The following STOX1 variants were observed in gnomAD, a reference collection of about 807,000 sequenced individuals.
STOX1 encodes storkhead box 1.
Under a neutral mutation model 74.8 loss-of-function variants are expected in STOX1, and 57 were observed. The observed-to-expected ratio is 0.76, with a 90% CI of 0.62 to 0.95. STOX1 has a LOEUF of 0.95. Ranked by LOEUF, STOX1 falls within the 40% of genes least tolerant of loss-of-function variation. The pLI is 0.00. For missense variants in STOX1, 1,010 were observed against 1,117.0 expected (o/e 0.90, Z 1.37); for synonymous variants, 375 against 401.3 (o/e 0.93, Z 0.78).
In STOX1 at chr10:68,886,448, G is replaced by T. The variant is rs1840960833; in HGVS notation, c.2652G>T (p.Trp884Cys). The T allele has an allele frequency of 1.2e-6, 2 of 1,614,034 alleles. No individual in the cohort carries two copies. Among genetic ancestry groups the T allele is most frequent in the African/African-American group, 1.3e-5 (1 of 74,910 alleles). The change falls in exon 3 of 4, where the codon TGG (tryptophan) becomes TGT (cysteine). Residue 884 changes from tryptophan to cysteine, a missense_variant. Coordinates refer to ENST00000298596, the MANE Select transcript of STOX1 (RefSeq NM_152709.5). The part of the protein sequence containing the change: ...IGDTGKKPAS[W>C]SQSPQNQEMR... ...ACACAGGAAAGAAGCCAGCTAGCTG[G>T]AGTCAGAGTCCTCAGAATCAGGAAA...
chr10:68,838,164 T>A (rs1839607428), intron 1 of STOX1, among the ~76,000 whole-genome samples: 1 of 151,852 alleles, frequency 6.6e-6, no homozygotes, highest in Non-Finnish European at 1.5e-5. Context: ...CCTCCCAGAC[T>A]TAAGTGATCC....
intron 1 of STOX1, among the ~76,000 whole-genome samples, chr10:68,872,084 A>G (rs1233941579): frequency 6.6e-6 from 1 of 152,090 alleles, no homozygotes; most frequent in Non-Finnish European, 1.5e-5. Flanking sequence ...CGCATAGAAG[A>G]TACCTTTCCC....
intron 1 of STOX1, among the ~76,000 whole-genome samples, chr10:68,871,564 T>C (rs73266469): frequency 0.011 from 1,712 of 152,262 alleles, 35 homozygotes; most frequent in African/African-American, 0.038. Flanking sequence ...AAAATAAACA[T>C]TACCATGCTT....
downstream of STOX1, among the ~76,000 whole-genome samples, chr10:68,894,149 T>TC (rs1298678502): frequency 6.6e-6 from 1 of 151,784 alleles, no homozygotes; most frequent in Admixed American, 6.6e-5. Flanking sequence ...AACCTCTGCC[T>TC]CCCAGGTTCA....
chr10:68,861,873 G>T (rs1211909839), intron 1 of STOX1, among the ~76,000 whole-genome samples: 2 of 152,064 alleles, frequency 1.3e-5, no homozygotes, highest in Non-Finnish European at 2.9e-5. Flanking sequence ...TGTCCTTCTA[G>T]ATGCTTTTTT....
intron 1 of STOX1, among the ~76,000 whole-genome samples, chr10:68,876,964 A>G (rs947571212): frequency 6.6e-6 from 1 of 152,198 alleles, no homozygotes; most frequent in Non-Finnish European, 1.5e-5. Flanking sequence ...CCATAACTGA[A>G]GCTCGAAAAT....
intron 1 of STOX1, among the ~76,000 whole-genome samples, chr10:68,875,711 A>G (rs1160091369): frequency 2.0e-5 from 3 of 152,102 alleles, no homozygotes; most frequent in African/African-American, 4.8e-5. Flanking sequence ...TTGTTGAGCT[A>G]TTGTCACCAA....
At chr10:68,830,498 T>C (rs1839378058) in intron 1 of STOX1, among the ~76,000 whole-genome samples, 1 of 151,856 alleles carries the variant, frequency 6.6e-6, no homozygotes, top group South Asian at 2.1e-4. Flanking sequence ...ACCCGCCACC[T>C]TACCTGGCTA....
chr10:68,850,952 A>G (rs1164959455), intron 1 of STOX1, among the ~76,000 whole-genome samples: 1 of 152,054 alleles, frequency 6.6e-6, no homozygotes, highest in Non-Finnish European at 1.5e-5. Flanking sequence ...AGCCTGGGTG[A>G]CAGAGCGAGA....
At chr10:68,841,522 A>G (rs766825781) in intron 1 of STOX1, among the ~76,000 whole-genome samples, 3 of 152,048 alleles carry the variant, frequency 2.0e-5, no homozygotes, top group Non-Finnish European at 4.4e-5. Context: ...TACATGTATT[A>G]TTTTTTCTTG....
intron 1 of STOX1, among the ~76,000 whole-genome samples, chr10:68,880,777 C>G (rs1447034097): frequency 1.3e-5 from 2 of 152,072 alleles, no homozygotes; most frequent in Non-Finnish European, 2.9e-5. Flanking sequence ...ACTGCAACCT[C>G]CACCTCCTGG....
intron 1 of STOX1, among the ~76,000 whole-genome samples, chr10:68,863,165 C>T (rs548479520): frequency 2.6e-5 from 4 of 152,114 alleles, no homozygotes; most frequent in East Asian, 1.9e-4. Flanking sequence ...CAAGAGCTAT[C>T]GTTAGTGTAT....
At chr10:68,882,901 T>C (rs907098318) in intron 2 of STOX1, among the ~76,000 whole-genome samples, 1 of 152,188 alleles carries the variant, frequency 6.6e-6, no homozygotes, top group Non-Finnish European at 1.5e-5. Flanking sequence ...TGTCTCATTC[T>C]TTATTTTACT....
In STOX1 at chr10:68,886,042, G is replaced by C. The variant is rs754782886; in HGVS notation, c.2246G>C (p.Arg749Pro). 1.2e-6 allele frequency: 2 copies of C among 1,614,204 alleles called. No homozygotes were observed. Among genetic ancestry groups the C allele is most frequent in the Admixed American group, 1.7e-5 (1 of 60,006 alleles). Residue 749 changes from arginine (R) to proline (P), a missense_variant, in exon 3 of 4, where the codon CGT becomes CCT. Arg to Pro is a moderately radical substitution (Grantham distance 103, BLOSUM62 -2). Coordinates refer to ENST00000298596, the MANE Select transcript of STOX1 (RefSeq NM_152709.5). Reference protein sequence around the residue: ...EDDISENDDLRQMLPGHSQYS... With the variant: ...EDDISENDDLPQMLPGHSQYS... Reference sequence around the variant, plus strand: ...GACATTTCTGAGAATGACGACTTACGTCAAATGCTGCCTGGCCACAGTCAG... The same window carrying C: ...GACATTTCTGAGAATGACGACTTACCTCAAATGCTGCCTGGCCACAGTCAG...
intron 1 of STOX1, among the ~76,000 whole-genome samples, chr10:68,845,624 G>C (rs1839822992): frequency 7.1e-6 from 1 of 140,806 alleles, no homozygotes; most frequent in Non-Finnish European, 1.5e-5. Context: ...TTTTTTGGAT[G>C]GATTTTCGCT....
intron 1 of STOX1, among the ~76,000 whole-genome samples, chr10:68,848,057 T>C (rs1839896475): frequency 6.6e-6 from 1 of 152,168 alleles, no homozygotes; most frequent in African/African-American, 2.4e-5. Context: ...AGTCTTCTCT[T>C]CTCCTGCCTC....
rs139944970 is a variant in STOX1, at chr10:68,853,320, C to T, written c.310+25387C>T. ...ATTCAGCTATTGCCTGCAGAACTCGCGAGGGCAGGATGAGATCAACCCCAC... is the reference window on the plus strand; with the variant it reads ...ATTCAGCTATTGCCTGCAGAACTCGTGAGGGCAGGATGAGATCAACCCCAC... On this transcript the variant is annotated intron_variant, in intron 1 of 3. Transcript: ENST00000298596. Among the ~76,000 whole-genome samples, 4 of 152,254 alleles carry T rather than the reference C, an allele frequency of 2.6e-5. No individual in the cohort carries two copies. In the East Asian group the frequency reaches 7.7e-4, roughly 29 times the overall value.
intron 1 of STOX1, among the ~76,000 whole-genome samples, chr10:68,869,358 A>G (rs1343621682): frequency 6.6e-6 from 1 of 152,246 alleles, no homozygotes; most frequent in Non-Finnish European, 1.5e-5. Context: ...TGCTGTTATA[A>G]TATCAATTTA....
chr10:68,845,944 G>A (rs1025503812), intron 1 of STOX1, among the ~76,000 whole-genome samples: 1 of 151,768 alleles, frequency 6.6e-6, no homozygotes, highest in African/African-American at 2.4e-5. Context: ...TCGCCATATT[G>A]CCCAGGCTGG....
Sources: allele counts gnomAD v4.1 joint callset (sites outside exome capture counted in the v4.1 genomes callset), GRCh38; gene constraint gnomAD v4.1.1; transcripts MANE v1.5; gene names NCBI Gene and HGNC (gene_info 2026-07-23, HGNC 2026-07-21).